Variants in TEKT5 observed in about 807,000 individuals in gnomAD.
TEKT5 encodes the protein tektin 5.
TEKT5 carries 52 observed loss-of-function variants against 48.7 expected under a neutral mutation model. The ratio of observed to expected loss-of-function variants is 1.07; its 90% confidence interval spans 0.86 to 1.35. TEKT5 has a LOEUF of 1.35. Ranked by LOEUF, TEKT5 falls within the 40% of genes most tolerant of loss-of-function variation. The pLI is 0.00. For missense variants in TEKT5, 831 were observed against 641.6 expected, an observed-to-expected ratio of 1.30 and a Z score of -3.19; for synonymous variants, 318 against 267.6, an observed-to-expected ratio of 1.19 and a Z score of -1.84.
intron 5 of TEKT5, among the ~76,000 whole-genome samples, chr16:10,640,827 G>A (rs971480703): frequency 1.2e-4 from 18 of 152,050 alleles, no homozygotes; most frequent in Admixed American, 5.3e-4. Flanking sequence ...TCATTTCATT[G>A]CACAATATTC....
At chr16:10,672,270 C>A (rs1898561079) in intron 5 of TEKT5, among the ~76,000 whole-genome samples, 1 of 151,882 alleles carries the variant, frequency 6.6e-6, no homozygotes. Flanking sequence ...TAAAAAAAAA[C>A]CTCAGTACAA....
chr16:10,687,798 T>C lies in TEKT5; in HGVS notation c.719+1455A>G, dbSNP rs748137165. Among the ~76,000 whole-genome samples the C allele has an allele frequency of 7.4e-4, 113 of 152,338 alleles. 1 individual carries two copies. Among genetic ancestry groups the C allele is most frequent in the Middle Eastern group, 6.8e-3 (2 of 294 alleles). On this transcript the variant is annotated intron_variant, in intron 3 of 6. Coordinates refer to ENST00000283025, the MANE Select transcript of TEKT5 (RefSeq NM_144674.2). ...AAATATGAACATTTAAGGGATTTTATTTACTGAATTGATTTTTATTTATTT... is the reference window on the plus strand; with the variant it reads ...AAATATGAACATTTAAGGGATTTTACTTACTGAATTGATTTTTATTTATTT...
intron 5 of TEKT5, among the ~76,000 whole-genome samples, chr16:10,661,337 G>T (rs907045353): frequency 6.6e-6 from 1 of 152,084 alleles, no homozygotes; most frequent in Admixed American, 6.6e-5. Context: ...GCAGCACCTC[G>T]CTACTCCAAG....
chr16:10,650,840 G>A (rs971199915), intron 5 of TEKT5, among the ~76,000 whole-genome samples: 2 of 151,216 alleles, frequency 1.3e-5, no homozygotes, highest in African/African-American at 2.4e-5. Flanking sequence ...AGCAGAGATT[G>A]TGGCATTGCA....
At chr16:10,655,630 T>C (rs1898248688) in intron 5 of TEKT5, among the ~76,000 whole-genome samples, 1 of 152,208 alleles carries the variant, frequency 6.6e-6, no homozygotes, top group African/African-American at 2.4e-5. Flanking sequence ...TGACTAATTC[T>C]AGCCAGTGGA....
chr16:10,631,769 C>A (rs1400523934), intron 6 of TEKT5, among the ~76,000 whole-genome samples: 1 of 152,042 alleles, frequency 6.6e-6, no homozygotes, highest in Non-Finnish European at 1.5e-5. Context: ...CTGAGGGACG[C>A]CAAGGATTGC....
chr16:10,642,613 G>C (rs566602126), intron 5 of TEKT5, among the ~76,000 whole-genome samples: 1 of 152,086 alleles, frequency 6.6e-6, no homozygotes, highest in Non-Finnish European at 1.5e-5. Context: ...ATCATCTGTT[G>C]ATCTGTTGCC....
At chr16:10,654,938 T>G (rs1020519030) in intron 5 of TEKT5, among the ~76,000 whole-genome samples, 2 of 46,346 alleles carry the variant, frequency 4.3e-5, no homozygotes, top group South Asian at 1.2e-3. Flanking sequence ...CCCCCTCCCC[T>G]CCCCCACCCC....
chr16:10,652,801 A>C (rs1898188632), intron 5 of TEKT5, among the ~76,000 whole-genome samples: 1 of 104,192 alleles, frequency 9.6e-6, no homozygotes, highest in Non-Finnish European at 1.9e-5. Context: ...CACACCCTCC[A>C]GGCCAGGTAG....
chr16:10,664,156 C>A, intron 5 of TEKT5, among the ~76,000 whole-genome samples: 1 of 152,102 alleles, frequency 6.6e-6, no homozygotes, highest in East Asian at 1.9e-4. Flanking sequence ...TCTATTTCCC[C>A]CTCTAGAATG....
At chr16:10,646,492 T>C (rs1898072886) in intron 5 of TEKT5, among the ~76,000 whole-genome samples, 1 of 152,228 alleles carries the variant, frequency 6.6e-6, no homozygotes, top group African/African-American at 2.4e-5. Context: ...TTTTTTTCCT[T>C]TCTCATAAGC....
chr16:10,646,285 T>A (rs1486054334), intron 5 of TEKT5, among the ~76,000 whole-genome samples: 2 of 152,204 alleles, frequency 1.3e-5, no homozygotes, highest in Admixed American at 1.3e-4. Flanking sequence ...AAATCTAGAT[T>A]TTTAACCAGC....
chr16:10,651,152 C>T (rs1472145609), intron 5 of TEKT5, among the ~76,000 whole-genome samples: 1 of 152,130 alleles, frequency 6.6e-6, no homozygotes, highest in Non-Finnish European at 1.5e-5. Flanking sequence ...CAACCCAATG[C>T]AACAAGATCA....
intron 3 of TEKT5, among the ~76,000 whole-genome samples, chr16:10,684,432 G>T: frequency 6.7e-6 from 1 of 150,332 alleles, no homozygotes. Context: ...TGTTGGTTGC[G>T]GGTGAGGGGT....
intron 5 of TEKT5, among the ~76,000 whole-genome samples, chr16:10,656,095 A>G (rs1898257133): frequency 6.6e-6 from 1 of 152,238 alleles, no homozygotes; most frequent in South Asian, 2.1e-4. Flanking sequence ...CGTCCTGTGC[A>G]TTGAAGGATG....
intron 6 of TEKT5, among the ~76,000 whole-genome samples, chr16:10,633,533 G>A (rs35555936): frequency 0.1 from 15,811 of 151,966 alleles, 1,220 homozygotes; most frequent in East Asian, 0.24. Context: ...CACTTCCAGG[G>A]CTGAAGACCT....
intron 3 of TEKT5, 67 bp from the exon 4 acceptor site, chr16:10,682,203 G>C: frequency 6.4e-7 from 1 of 1,559,246 alleles, no homozygotes; most frequent in Non-Finnish European, 8.7e-7. Flanking sequence ...GGGCCACACA[G>C]CAGGTGTGTG....
chr16:10,674,449 C>A (rs1235011307), intron 5 of TEKT5, among the ~76,000 whole-genome samples: 1 of 151,800 alleles, frequency 6.6e-6, no homozygotes, highest in Non-Finnish European at 1.5e-5. Flanking sequence ...GCCTAAGCAA[C>A]ATAGCGAAAC....
At position 10,694,640 on chromosome 16, in the gene TEKT5, C is replaced by T. The variant is rs764890145; in HGVS notation, c.234G>A (p.Leu78=). 1.9e-6 allele frequency: 3 copies of T among 1,612,798 alleles called. No individual in the cohort carries two copies. The highest frequency in any genetic ancestry group is 4.5e-5 in the East Asian group (2 of 44,882). Residue 78 remains leucine, a synonymous_variant, in exon 1 of 7, where the codon CTG becomes CTA. Coordinates refer to ENST00000283025, the MANE Select transcript of TEKT5 (RefSeq NM_144674.2). The part of the protein sequence containing the change: ...STSTLRPPTI[L]PTLRSALFSR... Reference sequence around the variant, plus strand: ...AGAAGAGTGCGGAGCGCAGTGTGGGCAGGATGGTGGGCGGCCGCAGGGTAC... The same window carrying T: ...AGAAGAGTGCGGAGCGCAGTGTGGGTAGGATGGTGGGCGGCCGCAGGGTAC...
Sources: gnomAD v4.1 joint callset for allele counts (sites outside exome capture counted in the v4.1 genomes callset) on GRCh38, gnomAD v4.1.1 for gene constraint, MANE v1.5 for transcripts, NCBI Gene and HGNC (gene_info 2026-07-23, HGNC 2026-07-21) for gene names.